The following CFAP299 variants were observed in gnomAD, a reference collection of about 807,000 sequenced individuals.
The protein encoded by CFAP299 is cilia- and flagella-associated protein 299.
A neutral mutation model predicts 27.0 loss-of-function variants in CFAP299; 21 were observed. That is an observed-to-expected ratio of 0.78 (90% CI 0.55 to 1.12). The LOEUF is 1.12. Among genes scored for constraint, CFAP299 ranks in the 50% most tolerant of loss-of-function variants. The probability of loss-of-function intolerance (pLI) is 0.00; values close to 1 mark genes in which losing one functional copy is unlikely to be tolerated. For missense variants in CFAP299, 310 were observed against 276.6 expected (o/e 1.12, Z -0.86); for synonymous variants, 104 against 98.1 (o/e 1.06, Z -0.36).
the CFAP299 span, among the ~76,000 whole-genome samples, chr4:80,327,377 C>A: frequency 4.7e-4 from 71 of 151,660 alleles, 2 homozygotes; most frequent in South Asian, 6.2e-4. Context: ...AGAAAAATAG[C>A]CAGGGTGAGA....
chr4:80,836,394 A>G (rs763024059), intron 3 of CFAP299, among the ~76,000 whole-genome samples: 3 of 152,200 alleles, frequency 2.0e-5, no homozygotes, highest in Non-Finnish European at 4.4e-5. Context: ...AACTCTCAGC[A>G]TAGCTGAATT....
intron 3 of CFAP299, among the ~76,000 whole-genome samples, chr4:80,844,868 C>T (rs1468458757): frequency 2.6e-5 from 4 of 152,006 alleles, no homozygotes; most frequent in Non-Finnish European, 1.5e-5. Context: ...GGTTTTCTTC[C>T]AGAGTTTTTA....
At chr4:80,554,382 G>T (rs1032940516) in intron 2 of CFAP299, among the ~76,000 whole-genome samples, 1 of 151,912 alleles carries the variant, frequency 6.6e-6, no homozygotes, top group African/African-American at 2.4e-5. Flanking sequence ...ATGTTGTTTT[G>T]GTTACTGTGG....
chr4:80,844,346 T>A lies in CFAP299; in HGVS notation c.334-25647T>A, dbSNP rs925950411. Among the ~76,000 whole-genome samples, 3 of 152,300 alleles carry A rather than the reference T, an allele frequency of 2.0e-5. No individual in the cohort carries two copies. In the South Asian group the frequency reaches 6.2e-4, roughly 32 times the overall value. On this transcript the variant is annotated intron_variant, in intron 3 of 5. Coordinates refer to ENST00000358105, the MANE Select transcript of CFAP299 (RefSeq NM_152770.3). ...ATCATCACACTGACTTCCACAGTGG[T>A]TGAACTAGTTTACAGTCCCACCAAT...
intron 3 of CFAP299, among the ~76,000 whole-genome samples, chr4:80,689,099 C>A (rs572350859): frequency 0.012 from 1,817 of 152,228 alleles, 11 homozygotes; most frequent in Non-Finnish European, 0.02. Context: ...GAGAATGGAA[C>A]CAAGTTGGAA....
chr4:80,729,590 ATCTTTTTTT>A (rs1392392017), intron 3 of CFAP299, among the ~76,000 whole-genome samples: 1 of 127,284 alleles, frequency 7.9e-6, no homozygotes, highest in Non-Finnish European at 1.6e-5. Context: ...ATGCTTCAGC[ATCTTTTTTT>A]TTTTTTTTTT....
intron 3 of CFAP299, among the ~76,000 whole-genome samples, chr4:80,764,784 G>C (rs1261833921): frequency 6.6e-6 from 1 of 152,170 alleles, no homozygotes; most frequent in Non-Finnish European, 1.5e-5. Flanking sequence ...ATGAGTTCAT[G>C]CCCTTTGCAG....
chr4:80,537,396 T>A (rs1733795652), intron 2 of CFAP299, among the ~76,000 whole-genome samples: 1 of 152,176 alleles, frequency 6.6e-6, no homozygotes, highest in Non-Finnish European at 1.5e-5. Context: ...CCATGTCTAC[T>A]GTAGCATCAT....
chr4:80,802,219 G>A (rs1226404220), intron 3 of CFAP299, among the ~76,000 whole-genome samples: 2 of 152,064 alleles, frequency 1.3e-5, no homozygotes, highest in Non-Finnish European at 2.9e-5. Flanking sequence ...TGGATAGAGA[G>A]AGTAAACAAT....
intron 3 of CFAP299, among the ~76,000 whole-genome samples, chr4:80,720,335 T>C (rs1382894037): frequency 1.3e-5 from 2 of 152,128 alleles, no homozygotes; most frequent in African/African-American, 4.8e-5. Context: ...AAAAATCTCA[T>C]AGTTCACAGA....
At chr4:80,343,822 A>AAAT (rs60953260) in intron 1 of CFAP299, among the ~76,000 whole-genome samples, 1 of 150,350 alleles carries the variant, frequency 6.7e-6, no homozygotes, top group Non-Finnish European at 1.5e-5. Flanking sequence ...AAAAAAAAAA[A>AAAT]GAACTCAAGA....
intron 3 of CFAP299, among the ~76,000 whole-genome samples, chr4:80,655,383 T>C (rs1740504025): frequency 6.6e-6 from 1 of 152,148 alleles, no homozygotes; most frequent in African/African-American, 2.4e-5. Flanking sequence ...AAATACTGAT[T>C]TTAAAAGAAA....
chr4:80,717,162 C>A (rs1175808817), intron 3 of CFAP299, among the ~76,000 whole-genome samples: 11 of 151,902 alleles, frequency 7.2e-5, no homozygotes, highest in Admixed American at 7.2e-4. Flanking sequence ...TATAACCACA[C>A]AATAACTATG....
intron 3 of CFAP299, among the ~76,000 whole-genome samples, chr4:80,792,956 T>C (rs960474810): frequency 6.6e-6 from 1 of 152,118 alleles, no homozygotes; most frequent in Admixed American, 6.6e-5. Context: ...TTGAGGGACA[T>C]CTATTTCTTG....
chr4:80,544,910 ATTC>A (rs1286418879), intron 2 of CFAP299, among the ~76,000 whole-genome samples: 1 of 152,226 alleles, frequency 6.6e-6, no homozygotes, highest in South Asian at 2.1e-4. Context: ...CAGAATATGC[ATTC>A]TTCTTATGTG....
intron 2 of CFAP299, among the ~76,000 whole-genome samples, chr4:80,516,037 T>TTG (rs1233820498): frequency 1.5e-5 from 2 of 137,234 alleles, no homozygotes; most frequent in Admixed American, 7.1e-5. Context: ...TTTTTTTTTT[T>TTG]GAGACGGAGT....
intron 3 of CFAP299, among the ~76,000 whole-genome samples, chr4:80,608,902 G>T (rs1408039588): frequency 1.4e-5 from 2 of 147,930 alleles, no homozygotes; most frequent in African/African-American, 2.4e-5. Context: ...TGTGCACAGA[G>T]AAAGAGGGGA....
chr4:80,772,589 A>G (rs1417343666), intron 3 of CFAP299, among the ~76,000 whole-genome samples: 1 of 151,938 alleles, frequency 6.6e-6, no homozygotes, highest in East Asian at 1.9e-4. Flanking sequence ...GTACATGTGC[A>G]TCATGTGCAG....
intron 3 of CFAP299, among the ~76,000 whole-genome samples, chr4:80,857,388 A>G (rs1731982178): frequency 6.6e-6 from 1 of 152,198 alleles, no homozygotes; most frequent in Middle Eastern, 3.4e-3. Flanking sequence ...CTAATTGAAT[A>G]CCCTTTATTT....
Sources: gnomAD v4.1 joint callset for allele counts (sites outside exome capture counted in the v4.1 genomes callset) on GRCh38, gnomAD v4.1.1 for gene constraint, MANE v1.5 for transcripts, NCBI Gene and HGNC (gene_info 2026-07-23, HGNC 2026-07-21) for gene names.